CYRIB: variants seen among roughly 807,000 people sequenced by gnomAD.
CYRIB encodes CYFIP-related Rac1 interactor B.
A neutral mutation model predicts 44.2 loss-of-function variants in CYRIB; 8 were observed. That is an observed-to-expected ratio of 0.18 (90% CI 0.11 to 0.33). CYRIB has a LOEUF of 0.33. Ranked by LOEUF, CYRIB falls within the 10% of genes least tolerant of loss-of-function variation. The pLI is 1.00. For missense variants in CYRIB, 185 were observed against 382.8 expected (o/e 0.48, Z 4.31); for synonymous variants, 131 against 127.2 (o/e 1.03, Z -0.20).
chr8:129,843,227 C>T (rs1213931633), intron 11 of CYRIB, among the ~76,000 whole-genome samples: 2 of 152,172 alleles, frequency 1.3e-5, no homozygotes, highest in Non-Finnish European at 2.9e-5. Flanking sequence ...CACCATCTCC[C>T]ATGGACACCC....
chr8:129,990,204 G>A (rs991830653), intron 1 of CYRIB, among the ~76,000 whole-genome samples: 4 of 152,098 alleles, frequency 2.6e-5, no homozygotes, highest in South Asian at 4.1e-4. Context: ...CCATAAACAC[G>A]TGAATATACA....
intron 1 of CYRIB, among the ~76,000 whole-genome samples, chr8:129,915,472 T>C (rs542011433): frequency 1.3e-5 from 2 of 152,132 alleles, no homozygotes; most frequent in African/African-American, 4.8e-5. Flanking sequence ...TCTAAAAAAA[T>C]TAATTAATAA....
chr8:129,967,119 AC>A (rs1260198674), intron 2 of CYRIB, among the ~76,000 whole-genome samples: 3 of 152,198 alleles, frequency 2.0e-5, no homozygotes. Context: ...AAATAAAAAA[AC>A]AACAACAAAC....
intron 2 of CYRIB, among the ~76,000 whole-genome samples, chr8:129,899,529 G>A (rs905359818): frequency 6.6e-6 from 1 of 152,080 alleles, no homozygotes; most frequent in Non-Finnish European, 1.5e-5. Flanking sequence ...CATATAAAAA[G>A]GAAATGTTTA....
exon 12 of CYRIB, chr8:129,841,924 C>A (rs2036517256): frequency 2.1e-6 from 1 of 476,308 alleles, no homozygotes; most frequent in Non-Finnish European, 3.7e-6. Flanking sequence ...CCTTAGATGG[C>A]CCGTTTGAAA....
intron 11 of CYRIB, among the ~76,000 whole-genome samples, chr8:129,845,234 A>G (rs2039168546): frequency 1.3e-5 from 2 of 152,220 alleles, no homozygotes; most frequent in Non-Finnish European, 2.9e-5. Context: ...AAAGAATCCT[A>G]AAACCTCCTA....
At chr8:129,955,598 T>C (rs2094779373) in intron 2 of CYRIB, among the ~76,000 whole-genome samples, 1 of 152,200 alleles carries the variant, frequency 6.6e-6, no homozygotes, top group Non-Finnish European at 1.5e-5. Context: ...TATTTACCTC[T>C]TACAAGCGTT....
chr8:129,979,789 C>T (rs2096130285), intron 1 of CYRIB, among the ~76,000 whole-genome samples: 1 of 152,088 alleles, frequency 6.6e-6, no homozygotes, highest in Admixed American at 6.5e-5. Flanking sequence ...GGCATGGTGG[C>T]AGGCACCTAT....
At chr8:129,922,321 T>C (rs149360784) in intron 1 of CYRIB, among the ~76,000 whole-genome samples, 21 of 152,320 alleles carry the variant, frequency 1.4e-4, no homozygotes, top group African/African-American at 5.1e-4. Flanking sequence ...TAGAAAACTG[T>C]AATTTCCTTC....
At chr8:129,944,333 A>C (rs192923391), upstream of CYRIB, among the ~76,000 whole-genome samples, 12 of 152,284 alleles carry the variant, frequency 7.9e-5, no homozygotes, top group Non-Finnish European at 1.5e-5. Context: ...CCTGATGCAG[A>C]ATCTGCAAGT....
At chr8:129,955,828 A>G (rs950385356) in intron 2 of CYRIB, among the ~76,000 whole-genome samples, 2 of 152,246 alleles carry the variant, frequency 1.3e-5, no homozygotes, top group African/African-American at 4.8e-5. Context: ...ACAAGCCAAA[A>G]TAAACTCACC....
chr8:129,869,597 C>A (rs969278199), intron 4 of CYRIB, among the ~76,000 whole-genome samples: 1 of 152,080 alleles, frequency 6.6e-6, no homozygotes, highest in Non-Finnish European at 1.5e-5. Flanking sequence ...TTCACTTCCA[C>A]AAATGTTTGA....
At chr8:129,930,379 A>ATATATATATATATATTTT (rs971468534) in intron 1 of CYRIB, among the ~76,000 whole-genome samples, 1 of 130,136 alleles carries the variant, frequency 7.7e-6, no homozygotes, top group African/African-American at 2.8e-5. Context: ...ATATATATAT[A>ATATATATATATATATTTT]TTTTAATTAT....
At chr8:129,943,366 C>T (rs1278264426), upstream of CYRIB, among the ~76,000 whole-genome samples, 1 of 151,260 alleles carries the variant, frequency 6.6e-6, no homozygotes, top group Admixed American at 6.6e-5. Flanking sequence ...GCAGGCAGAT[C>T]ACTTAGGGTC....
chr8:129,884,489 T>C (rs1405867723), intron 2 of CYRIB, among the ~76,000 whole-genome samples: 2 of 152,102 alleles, frequency 1.3e-5, no homozygotes, highest in African/African-American at 4.8e-5. Flanking sequence ...GGTTTCTCCA[T>C]CTTGGTCAGG....
chr8:129,992,994 C>T (rs2096674200), intron 1 of CYRIB, among the ~76,000 whole-genome samples: 1 of 152,138 alleles, frequency 6.6e-6, no homozygotes, highest in African/African-American at 2.4e-5. Context: ...CCTTTAAATT[C>T]TACAAAACAA....
At chr8:130,000,769 C>T (rs1281844929) in intron 1 of CYRIB, among the ~76,000 whole-genome samples, 1 of 152,026 alleles carries the variant, frequency 6.6e-6, no homozygotes, top group Non-Finnish European at 1.5e-5. Context: ...GTAGTCCCAG[C>T]CCTTTGGGAG....
At chr8:129,903,257 A>T (rs2073306168) in intron 2 of CYRIB, 55 bp downstream of exon 4, 1 of 152,748 alleles carries the variant, frequency 6.5e-6, no homozygotes, top group East Asian at 1.9e-4. Context: ...TTTTTATTGA[A>T]ATCATAACTT....
chr8:129,984,481 T>C (rs1358599884), intron 1 of CYRIB, among the ~76,000 whole-genome samples: 1 of 152,012 alleles, frequency 6.6e-6, no homozygotes, highest in Non-Finnish European at 1.5e-5. Context: ...CTCAGAGAGA[T>C]GGGATGAGTC....
Sources: gnomAD v4.1 joint callset for allele counts (sites outside exome capture counted in the v4.1 genomes callset) on GRCh38, gnomAD v4.1.1 for gene constraint, MANE v1.5 for transcripts, NCBI Gene and HGNC (gene_info 2026-07-23, HGNC 2026-07-21) for gene names.